The following PRKN variants were observed in gnomAD, a reference collection of about 807,000 sequenced individuals.
PRKN encodes parkin RBR E3 ubiquitin protein ligase, also known as E3 ubiquitin-protein ligase parkin.
In PRKN, 56 loss-of-function variants were observed where a neutral mutation model predicts 59.5. That is an observed-to-expected ratio of 0.94 (90% CI 0.76 to 1.18). PRKN has a LOEUF of 1.18. Ranked by LOEUF, PRKN falls within the 50% of genes most tolerant of loss-of-function variation. The pLI is 0.00. For missense variants in PRKN, 657 were observed against 596.4 expected, an observed-to-expected ratio of 1.10 and a Z score of -1.06; for synonymous variants, 250 against 222.1, an observed-to-expected ratio of 1.13 and a Z score of -1.12.
At chr6:161,793,523 C>T (rs775483077) in intron 6 of PRKN, among the ~76,000 whole-genome samples, 3 of 151,422 alleles carry the variant, frequency 2.0e-5, no homozygotes, top group Admixed American at 1.3e-4. Context: ...CACAGTGGAC[C>T]GGCCACTAGA....
In PRKN at chr6:161,549,931, T is replaced by C. The variant is rs748532046; in HGVS notation, c.934-928A>G. On this transcript the variant is annotated intron_variant, in intron 8 of 11. Coordinates refer to ENST00000366898, the MANE Select transcript of PRKN (RefSeq NM_004562.3). This position sits in a 1 kb window ranked among gnomAD's most constrained non-coding sequence, Gnocchi z 6.0. ...CCGAGAGGTTAGAATGTCTAGGATT[T>C]CCAATGGTGCTAAGTGAGGAAGAAA... Among the ~76,000 whole-genome samples, 33 of 152,110 alleles carry C rather than the reference T, an allele frequency of 2.2e-4. No individual in the cohort carries two copies. The highest frequency in any genetic ancestry group is 4.0e-4 in the Non-Finnish European group (27 of 68,012).
chr6:162,587,740 A>C (rs13207239), intron 1 of PRKN, among the ~76,000 whole-genome samples: 15,550 of 152,186 alleles, frequency 0.1, 936 homozygotes, highest in Middle Eastern at 0.19. Flanking sequence ...TACCTTTAAG[A>C]ATATCAAAAT....
chr6:161,535,569 C>A (rs1002005762), intron 9 of PRKN, among the ~76,000 whole-genome samples: 17 of 152,200 alleles, frequency 1.1e-4, no homozygotes, highest in African/African-American at 4.1e-4. Context: ...GCACATCGCA[C>A]CCCGAATACA....
chr6:162,489,481 G>A (rs1232115915), intron 1 of PRKN, among the ~76,000 whole-genome samples: 1 of 152,156 alleles, frequency 6.6e-6, no homozygotes, highest in African/African-American at 2.4e-5. Context: ...GTATGAGTTT[G>A]GACCAGTTTG....
intron 1 of PRKN, among the ~76,000 whole-genome samples, chr6:162,712,740 T>TA (rs1226831431): frequency 6.6e-6 from 1 of 152,352 alleles, no homozygotes; most frequent in Non-Finnish European, 1.5e-5. Flanking sequence ...TCCCCATACT[T>TA]AATGTCCAAA....
intron 1 of PRKN, among the ~76,000 whole-genome samples, chr6:162,614,183 A>G (rs1418697842): frequency 6.6e-6 from 1 of 152,162 alleles, no homozygotes; most frequent in Non-Finnish European, 1.5e-5. Flanking sequence ...CTAAACATGT[A>G]AGAGATATCT....
intron 2 of PRKN, among the ~76,000 whole-genome samples, chr6:162,294,610 T>C (rs1185421784): frequency 1.3e-5 from 2 of 152,118 alleles, no homozygotes; most frequent in Non-Finnish European, 2.9e-5. Flanking sequence ...ACGATTTAAT[T>C]GGGCAACTGG....
chr6:161,752,030 G>A (rs564674713), intron 7 of PRKN, among the ~76,000 whole-genome samples: 2 of 152,296 alleles, frequency 1.3e-5, no homozygotes, highest in South Asian at 4.1e-4. Context: ...AGGAACCTGC[G>A]GAACATTATG....
At chr6:161,479,456 T>A (rs1428964648) in intron 9 of PRKN, among the ~76,000 whole-genome samples, 1 of 152,188 alleles carries the variant, frequency 6.6e-6, no homozygotes, top group Non-Finnish European at 1.5e-5. Flanking sequence ...TAATAATACA[T>A]TTATATTTTA....
At chr6:162,566,037 C>T (rs951934363) in intron 1 of PRKN, among the ~76,000 whole-genome samples, 2 of 152,026 alleles carry the variant, frequency 1.3e-5, no homozygotes, top group African/African-American at 4.8e-5. Flanking sequence ...GATATAAGAA[C>T]TTTAAATATA....
chr6:162,641,314 A>G (rs1777949466), intron 1 of PRKN, among the ~76,000 whole-genome samples: 1 of 152,202 alleles, frequency 6.6e-6, no homozygotes, highest in Admixed American at 6.5e-5. Flanking sequence ...CTCAAAACAC[A>G]AAGATAGCAT....
At chr6:161,821,527 C>T (rs972759510) in intron 6 of PRKN, among the ~76,000 whole-genome samples, 2 of 151,960 alleles carry the variant, frequency 1.3e-5, no homozygotes, top group Admixed American at 6.6e-5. Flanking sequence ...CTTTAAGAAA[C>T]ATATCCAGAA....
rs1380036680 is a variant in PRKN at position 161,582,981 on chromosome 6, C to T, written c.872-13565G>A. Among the ~76,000 whole-genome samples the T allele has an allele frequency of 8.3e-6, 1 of 120,284 alleles. No individual in the cohort carries two copies. Among genetic ancestry groups the T allele is most frequent in the Non-Finnish European group, 1.8e-5 (1 of 56,396 alleles). 78.9% of individuals were successfully genotyped at this position (120,284 alleles called of 152,430 possible). On this transcript the variant is annotated intron_variant, in intron 7 of 11. Transcript: ENST00000366898. The surrounding 1 kb of genome is among the most constrained non-coding windows in gnomAD (Gnocchi z 4.4). ...GAGATGGCCTATTCCAACACACACACACACACACACACACACACACACACA... is the reference window on the plus strand; with the variant it reads ...GAGATGGCCTATTCCAACACACACATACACACACACACACACACACACACA...
At chr6:162,657,260 A>T (rs1039625230) in intron 1 of PRKN, among the ~76,000 whole-genome samples, 7 of 152,324 alleles carry the variant, frequency 4.6e-5, no homozygotes, top group Middle Eastern at 3.4e-3. Flanking sequence ...AATTAAACAG[A>T]CATATTTTGT....
At chr6:161,450,991 A>C (rs1789718746) in intron 9 of PRKN, among the ~76,000 whole-genome samples, 3 of 152,224 alleles carry the variant, frequency 2.0e-5, no homozygotes, top group Non-Finnish European at 4.4e-5. Context: ...TATGAAAGTC[A>C]AACACTTTTG....
chr6:161,422,341 G>A (rs575363636), intron 9 of PRKN, among the ~76,000 whole-genome samples: 3 of 151,832 alleles, frequency 2.0e-5, no homozygotes, highest in East Asian at 1.9e-4. Flanking sequence ...TGGGACTACA[G>A]GCACCCACCA....
intron 1 of PRKN, among the ~76,000 whole-genome samples, chr6:162,610,231 G>T (rs1782090872): frequency 6.6e-6 from 1 of 152,096 alleles, no homozygotes; most frequent in African/African-American, 2.4e-5. Context: ...ACCCAGAGAG[G>T]GTATGTAAAT....
intron 2 of PRKN, among the ~76,000 whole-genome samples, chr6:162,323,075 G>GT (rs1276876487): frequency 8.8e-6 from 1 of 114,152 alleles, no homozygotes; most frequent in African/African-American, 3.3e-5. Flanking sequence ...CTGTTGTGGG[G>GT]TGGGGGGAGG....
intron 3 of PRKN, among the ~76,000 whole-genome samples, chr6:162,239,617 G>T (rs1399450516): frequency 6.6e-6 from 1 of 151,904 alleles, no homozygotes; most frequent in Non-Finnish European, 1.5e-5. Flanking sequence ...GAAAAGGAAA[G>T]AACCCAGAAC....
Sources: gnomAD v4.1 joint callset for allele counts (sites outside exome capture counted in the v4.1 genomes callset) on GRCh38, gnomAD v4.1.1 for gene constraint, Gnocchi (gnomAD v3.1) non-coding constraint, MANE v1.5 for transcripts, NCBI Gene and HGNC (gene_info 2026-07-23, HGNC 2026-07-21) for gene names.